Variants in USH1C observed in about 807,000 individuals in gnomAD.
USH1C encodes harmonin.
A neutral mutation model predicts 119.3 loss-of-function variants in USH1C; 90 were observed. The ratio of observed to expected loss-of-function variants is 0.75; its 90% CI spans 0.64 to 0.90. The LOEUF (loss-of-function observed/expected upper bound fraction) is 0.90. USH1C is among the 40% of genes least tolerant of loss of function. The probability of loss-of-function intolerance (pLI) is 0.00; values close to 1 mark genes in which losing one functional copy is unlikely to be tolerated. For synonymous variants in USH1C, 465 were observed against 443.3 expected (o/e 1.05, Z -0.62); for missense variants, 1,165 against 1,167.7 (o/e 1.00, Z 0.03).
rs752923242 is a variant in USH1C, at chr11:17,531,205, G to A, written c.336C>T (p.Leu112=). 1.2e-6 allele frequency: 2 copies of A among 1,613,944 alleles called. No homozygotes were observed. Among genetic ancestry groups the A allele is most frequent in the African/African-American group, 2.7e-5 (2 of 74,924 alleles). The change falls in exon 4 of 27, where the codon CTC becomes CTT. Residue 112 remains leucine (L), a synonymous_variant. Coordinates refer to ENST00000005226, the MANE Select transcript of USH1C (RefSeq NM_153676.4). This position sits in a 1 kb window ranked among gnomAD's most constrained non-coding sequence, Gnocchi z 4.2. ...VRGGLEFGCG[L]FISHLIKGGQ... ...CGCCTTTGATGAGGTGGGAGATGAAGAGCCCACAGCCAAACTCCAGGCCAC... is the reference window on the plus strand; with the variant it reads ...CGCCTTTGATGAGGTGGGAGATGAAAAGCCCACAGCCAAACTCCAGGCCAC...
intron 23 of USH1C, among the ~76,000 whole-genome samples, chr11:17,499,024 A>G (rs536066745): frequency 9.8e-5 from 15 of 152,346 alleles, no homozygotes; most frequent in Admixed American, 9.1e-4. Context: ...GGGATCTAAT[A>G]ATTTTGGGGA....
Position 17,517,389 on chromosome 11 carries a change from G to C in USH1C, c.1211-1099C>G, listed in dbSNP as rs752356866. The C allele has an allele frequency of 6.4e-7, 1 of 1,572,578 alleles. No individual in the cohort carries two copies. Among genetic ancestry groups the C allele is most frequent in the African/African-American group, 1.4e-5 (1 of 73,986 alleles). On this transcript the variant is annotated intron_variant, in intron 14 of 26. Coordinates refer to ENST00000005226, the MANE Select transcript of USH1C (RefSeq NM_153676.4). ...GAGCAGCCAGGCCAGGGAGCAAAGC[G>C]GGGACGCGAACCTGCTCTCCCTGCT...
intron 17 of USH1C, among the ~76,000 whole-genome samples, chr11:17,510,186 G>A (rs890916836): frequency 1.3e-5 from 2 of 152,206 alleles, no homozygotes; most frequent in African/African-American, 4.8e-5. Flanking sequence ...TATCGCAGAT[G>A]AGCTGGGACT....
intron 15 of USH1C, among the ~76,000 whole-genome samples, chr11:17,516,002 C>T (rs1378853952): frequency 1.3e-5 from 2 of 152,250 alleles, no homozygotes; most frequent in Non-Finnish European, 2.9e-5. Context: ...CTGATGCACA[C>T]ACTGCCAGAT....
intron 12 of USH1C, among the ~76,000 whole-genome samples, chr11:17,522,004 T>G (rs888574036): frequency 2.6e-5 from 4 of 152,092 alleles, no homozygotes; most frequent in Non-Finnish European, 4.4e-5. Context: ...AATTTTTTTT[T>G]GTATTTTTAG....
intron 14 of USH1C, among the ~76,000 whole-genome samples, chr11:17,520,427 A>C (rs535971223): frequency 3.3e-5 from 5 of 152,186 alleles, no homozygotes; most frequent in South Asian, 4.2e-4. Flanking sequence ...CACAGTTATG[A>C]ATCAACCTTG....
At chr11:17,536,791 T>A (rs1851247540) in intron 1 of USH1C, among the ~76,000 whole-genome samples, 1 of 152,252 alleles carries the variant, frequency 6.6e-6, no homozygotes, top group Non-Finnish European at 1.5e-5. Context: ...GAACATTCCA[T>A]CTACCGCCAT....
At chr11:17,523,344 G>T (rs1850506615) in intron 10 of USH1C, 75 bp downstream of exon 10, 1 of 1,612,984 alleles carries the variant, frequency 6.2e-7, no homozygotes, top group Non-Finnish European at 8.5e-7. Flanking sequence ...AAGGCCCCAG[G>T]CTCCAGGGTG....
intron 14 of USH1C, chr11:17,517,373 G>A: frequency 6.4e-7 from 1 of 1,561,468 alleles, no homozygotes; most frequent in Non-Finnish European, 8.7e-7. Flanking sequence ...AGAGCAGCCA[G>A]GCCAGGGAGC....
At chr11:17,514,093 G>C (rs1850025994) in intron 15 of USH1C, among the ~76,000 whole-genome samples, 1 of 152,348 alleles carries the variant, frequency 6.6e-6, no homozygotes, top group Non-Finnish European at 1.5e-5. Context: ...CTGATGAAAG[G>C]GCTTAGTCAG....
chr11:17,506,182 G>A (rs1016541248), intron 18 of USH1C, among the ~76,000 whole-genome samples: 5 of 152,180 alleles, frequency 3.3e-5, no homozygotes, highest in South Asian at 4.1e-4. Context: ...GAAATTGGAC[G>A]CTTGAGCTAG....
intron 17 of USH1C, among the ~76,000 whole-genome samples, chr11:17,510,081 G>A (rs998467946): frequency 8.5e-5 from 13 of 152,194 alleles, no homozygotes; most frequent in African/African-American, 2.9e-4. Flanking sequence ...TGGGTGGTAA[G>A]GTGTTCACAG....
Position 17,531,136 on chromosome 11 carries a change from C to T in USH1C, c.387+18G>A, listed in dbSNP as rs372108241. The T allele has an allele frequency of 3.7e-5, 59 of 1,613,920 alleles. No individual in the cohort carries two copies. The highest frequency in any genetic ancestry group is 4.5e-5 in the East Asian group (2 of 44,878). Reference sequence around the variant, plus strand: ...TCCGAGGCCCTCGCTCCCCCTCCCCCGGACTCTGTTTGCTCACCTGGAGCC... The same window carrying T: ...TCCGAGGCCCTCGCTCCCCCTCCCCTGGACTCTGTTTGCTCACCTGGAGCC... On this transcript the variant is annotated intron_variant, in intron 4 of 26. Coordinates refer to ENST00000005226, the MANE Select transcript of USH1C (RefSeq NM_153676.4). This position sits in a 1 kb window ranked among gnomAD's most constrained non-coding sequence, Gnocchi z 4.2.
At chr11:17,521,885 G>A (rs544156203) in intron 12 of USH1C, among the ~76,000 whole-genome samples, 3 of 152,302 alleles carry the variant, frequency 2.0e-5, no homozygotes, top group South Asian at 2.1e-4. Context: ...CAGGAGTTCA[G>A]TGGTGCGATA....
chr11:17,501,787 G>A, intron 21 of USH1C, 152 bp downstream of exon 21: 1 of 962,414 alleles, frequency 1.0e-6, no homozygotes, highest in Non-Finnish European at 1.6e-6. Flanking sequence ...GAATCTTCGT[G>A]GGAAGAGCAG....
chr11:17,535,351 CT>C, intron 1 of USH1C, among the ~76,000 whole-genome samples: 1 of 152,122 alleles, frequency 6.6e-6, no homozygotes. Context: ...GCTTGGACTG[CT>C]TCCCCCACTT....
intron 21 of USH1C, 72 bp downstream of exon 21, chr11:17,501,867 A>G (rs1384141097): frequency 5.8e-6 from 9 of 1,559,130 alleles, no homozygotes; most frequent in Middle Eastern, 1.7e-4. Context: ...ATGCACCACT[A>G]TCAAACCCTC....
At position 17,505,969 on chromosome 11, in the gene USH1C, G is replaced by C. The variant is rs373105113; in HGVS notation, c.2014-20C>G. Reference sequence around the variant, plus strand: ...AAATGTCTAAGGAGTTAGTTTAACAGGGACCCAGGTGAGGTCATGGTGGGG... The same window carrying C: ...AAATGTCTAAGGAGTTAGTTTAACACGGACCCAGGTGAGGTCATGGTGGGG... On this transcript the variant is annotated intron_variant, in intron 18 of 26. Transcript: ENST00000005226. 1.2e-6 allele frequency: 2 copies of C among 1,614,158 alleles called. No individual in the cohort carries two copies. The highest frequency in any genetic ancestry group is 2.7e-5 in the African/African-American group (2 of 75,068).
chr11:17,530,891 T>A (rs557438114), intron 4 of USH1C, among the ~76,000 whole-genome samples: 14 of 152,268 alleles, frequency 9.2e-5, no homozygotes, highest in African/African-American at 3.4e-4. Flanking sequence ...TGGGGGGAAG[T>A]GCAGCGGCAG....
Sources: allele counts gnomAD v4.1 joint callset (sites outside exome capture counted in the v4.1 genomes callset), GRCh38; gene constraint gnomAD v4.1.1; non-coding constraint Gnocchi (gnomAD v3.1); transcripts MANE v1.5; gene names NCBI Gene and HGNC (gene_info 2026-07-23, HGNC 2026-07-21).